Variants in NXPH1 observed in about 807,000 individuals in gnomAD.
NXPH1 encodes neurexophilin-1.
NXPH1 carries 5 observed loss-of-function variants against 23.7 expected under a neutral mutation model. That is an observed-to-expected ratio of 0.21 (90% CI 0.11 to 0.44). The LOEUF is 0.44. Among genes scored for constraint, NXPH1 ranks in the 20% least tolerant of loss-of-function variants. The pLI is 0.99. For missense variants in NXPH1, 324 were observed against 321.6 expected (o/e 1.01, Z -0.06); for synonymous variants, 144 against 122.2 (o/e 1.18, Z -1.18).
At chr7:8,699,880 GA>G (rs1479981188) in intron 2 of NXPH1, among the ~76,000 whole-genome samples, 2 of 152,098 alleles carry the variant, frequency 1.3e-5, no homozygotes, top group Non-Finnish European at 2.9e-5. Context: ...CTTATGGATA[GA>G]AAGGGAAGAT....
At chr7:8,465,583 T>C (rs1314377877) in intron 2 of NXPH1, among the ~76,000 whole-genome samples, 1 of 152,204 alleles carries the variant, frequency 6.6e-6, no homozygotes, top group East Asian at 1.9e-4. Context: ...ACCAGGAAAG[T>C]ATTGCAAAGC....
chr7:8,717,006 G>C (rs986350109), intron 2 of NXPH1, among the ~76,000 whole-genome samples: 1 of 152,274 alleles, frequency 6.6e-6, no homozygotes, highest in South Asian at 2.1e-4. Flanking sequence ...ATGTTGTATA[G>C]TTGTTAACCA....
chr7:8,696,426 G>A (rs1779511557), intron 2 of NXPH1, among the ~76,000 whole-genome samples: 1 of 152,138 alleles, frequency 6.6e-6, no homozygotes, highest in Non-Finnish European at 1.5e-5. Context: ...AAGTAAGCCA[G>A]AAAATGCCAT....
At chr7:8,536,535 G>A (rs757883609) in intron 2 of NXPH1, among the ~76,000 whole-genome samples, 2 of 151,874 alleles carry the variant, frequency 1.3e-5, no homozygotes, top group South Asian at 2.1e-4. Flanking sequence ...ATTTTTGGGG[G>A]TTCTTTGGGG....
At chr7:8,464,242 A>G (rs1328869383) in intron 2 of NXPH1, among the ~76,000 whole-genome samples, 1 of 152,068 alleles carries the variant, frequency 6.6e-6, no homozygotes, top group East Asian at 1.9e-4. Context: ...CCCCCCGTAA[A>G]ACCTTTTACC....
intron 2 of NXPH1, among the ~76,000 whole-genome samples, chr7:8,669,808 C>T (rs1820838642): frequency 6.6e-6 from 1 of 152,134 alleles, no homozygotes; most frequent in Admixed American, 6.5e-5. Flanking sequence ...ACTGTCCTTC[C>T]TACTCTCTTT....
intron 2 of NXPH1, among the ~76,000 whole-genome samples, chr7:8,621,579 C>T (rs1819872739): frequency 6.6e-6 from 1 of 151,368 alleles, no homozygotes; most frequent in South Asian, 2.1e-4. Flanking sequence ...CCTCCACCTC[C>T]TGGGTTCAAG....
intron 2 of NXPH1, among the ~76,000 whole-genome samples, chr7:8,586,253 C>A (rs915588663): frequency 2.6e-5 from 4 of 152,012 alleles, no homozygotes; most frequent in Admixed American, 6.6e-5. Flanking sequence ...TGTACTAGAA[C>A]CTCATAGAAC....
chr7:8,652,859 A>G (rs1008566683), intron 2 of NXPH1, among the ~76,000 whole-genome samples: 5 of 152,156 alleles, frequency 3.3e-5, no homozygotes, highest in Non-Finnish European at 7.4e-5. Context: ...AAGAGATTTA[A>G]TTCTCTTTTT....
chr7:8,470,494 C>T (rs1816855504), intron 2 of NXPH1, among the ~76,000 whole-genome samples: 1 of 152,114 alleles, frequency 6.6e-6, no homozygotes, highest in Non-Finnish European at 1.5e-5. Flanking sequence ...AGCTGAATCA[C>T]TTCTGAATAT....
At chr7:8,713,038 A>G (rs1171591215) in intron 2 of NXPH1, among the ~76,000 whole-genome samples, 1 of 152,132 alleles carries the variant, frequency 6.6e-6, no homozygotes, top group Non-Finnish European at 1.5e-5. Flanking sequence ...CTTTAAAGCC[A>G]TAACTCTTAT....
At chr7:8,457,120 T>G (rs1335186799) in intron 2 of NXPH1, among the ~76,000 whole-genome samples, 4 of 152,176 alleles carry the variant, frequency 2.6e-5, no homozygotes, top group Non-Finnish European at 5.9e-5. Context: ...AAATGGCTTT[T>G]AAGTGGTGTT....
At chr7:8,609,321 G>A (rs10258963) in intron 2 of NXPH1, among the ~76,000 whole-genome samples, 5 of 152,056 alleles carry the variant, frequency 3.3e-5, no homozygotes, top group Admixed American at 1.3e-4. Flanking sequence ...GGCACTATAC[G>A]TAAGGGCTTT....
chr7:8,751,537 G>T lies in NXPH1; in HGVS notation c.584G>T (p.Arg195Leu), dbSNP rs371180162. Residue 195 changes from arginine to leucine, a missense_variant, in exon 3 of 3, where the codon CGC (arginine) becomes CTC (leucine). Physicochemically the swap from Arg to Leu is moderately radical, Grantham distance 102. Transcript: ENST00000405863. The surrounding 1 kb of genome is among the most constrained non-coding windows in gnomAD (Gnocchi z 4.5). ...AAAGATTCCAAGTCTTTTAATTGTC[G>T]CATTGAATATGAAAAGGTTGACAAG... ...DAKDSKSFNC[R>L]IEYEKVDKAT... 6.1e-5 allele frequency: 98 copies of T among 1,613,286 alleles called. No individual in the cohort carries two copies. Among genetic ancestry groups the T allele is most frequent in the Non-Finnish European group, 7.6e-5 (90 of 1,179,668 alleles).
In NXPH1 at chr7:8,593,261, A is replaced by G. The variant is rs138148671; in HGVS notation, c.54+157494A>G. Among the ~76,000 whole-genome samples the G allele has an allele frequency of 3.8e-3, 570 of 151,788 alleles. 3 individuals are homozygous for G. Among genetic ancestry groups the G allele is most frequent in the African/African-American group, 0.013 (543 of 41,384 alleles). On this transcript the variant is annotated intron_variant, in intron 2 of 2. Coordinates refer to ENST00000405863, the MANE Select transcript of NXPH1 (RefSeq NM_152745.3). ...TCGGTAACGGGTTATCTGCCCTTCA[A>G]ATGGTTTCTCTGGAAGTGGCTATGA...
At chr7:8,614,396 C>T (rs1819688183) in intron 2 of NXPH1, among the ~76,000 whole-genome samples, 1 of 151,458 alleles carries the variant, frequency 6.6e-6, no homozygotes, top group Non-Finnish European at 1.5e-5. Flanking sequence ...AGAGAGGATG[C>T]TATATATATG....
At chr7:8,447,490 G>T (rs1316482594) in intron 2 of NXPH1, among the ~76,000 whole-genome samples, 3 of 152,214 alleles carry the variant, frequency 2.0e-5, no homozygotes, top group Non-Finnish European at 4.4e-5. Context: ...TGAATGATGA[G>T]TGCCTGGTGT....
chr7:8,574,067 G>A (rs1022523962), intron 2 of NXPH1, among the ~76,000 whole-genome samples: 1 of 152,056 alleles, frequency 6.6e-6, no homozygotes, highest in Non-Finnish European at 1.5e-5. Context: ...TGCCCTGTAA[G>A]TGTTCAGGCT....
chr7:8,583,302 G>A (rs1818918506), intron 2 of NXPH1, among the ~76,000 whole-genome samples: 1 of 152,188 alleles, frequency 6.6e-6, no homozygotes, highest in East Asian at 1.9e-4. Context: ...TCTGGGGTCT[G>A]GAATCAGAGT....
Sources: allele counts gnomAD v4.1 joint callset (sites outside exome capture counted in the v4.1 genomes callset), GRCh38; gene constraint gnomAD v4.1.1; non-coding constraint Gnocchi (gnomAD v3.1); transcripts MANE v1.5; gene names NCBI Gene and HGNC (gene_info 2026-07-23, HGNC 2026-07-21).